LRPPRC: variants seen among roughly 807,000 people sequenced by gnomAD.
The protein encoded by LRPPRC is leucine rich pentatricopeptide repeat containing, also known as leucine-rich PPR motif-containing protein, mitochondrial.
A neutral mutation model predicts 180.3 loss-of-function variants in LRPPRC; 120 were observed. The observed-to-expected ratio is 0.67, with a 90% CI of 0.57 to 0.77. The LOEUF is 0.77. Ranked by LOEUF, LRPPRC falls within the 30% of genes least tolerant of loss-of-function variation. The probability of loss-of-function intolerance (pLI) is 0.00; values close to 1 mark genes in which losing one functional copy is unlikely to be tolerated. For synonymous variants in LRPPRC, 723 were observed against 600.0 expected (o/e 1.21, Z -3.00); for missense variants, 2,012 against 1,657.2 (o/e 1.21, Z -3.72).
At chr2:43,915,232 T>TCTCTCTCTCTCTCACA (rs1174216406) in intron 29 of LRPPRC, among the ~76,000 whole-genome samples, 9 of 51,882 alleles carry the variant, frequency 1.7e-4, no homozygotes, top group Non-Finnish European at 2.8e-4. Flanking sequence ...TCTCTCTCTC[T>TCTCTCTCTCTCTCACA]CACACACACA....
intron 2 of LRPPRC, among the ~76,000 whole-genome samples, chr2:43,982,027 C>G (rs1674331090): frequency 6.6e-6 from 1 of 152,102 alleles, no homozygotes; most frequent in South Asian, 2.1e-4. Context: ...CATGCCTCAG[C>G]CTCCCAAGTA....
intron 30 of LRPPRC, among the ~76,000 whole-genome samples, chr2:43,906,506 G>A (rs1444926559): frequency 2.0e-5 from 3 of 152,174 alleles, no homozygotes; most frequent in African/African-American, 7.2e-5. Flanking sequence ...CCAAAACCTA[G>A]CTGGAGATTT....
upstream of LRPPRC, chr2:43,996,130 TA>T (rs1675066116): frequency 1.6e-5 from 9 of 551,968 alleles, no homozygotes; most frequent in East Asian, 3.0e-4. Context: ...AGACCCAATG[TA>T]ATATTTACAT....
intron 14 of LRPPRC, among the ~76,000 whole-genome samples, chr2:43,950,867 T>C (rs1442692195): frequency 1.3e-5 from 2 of 152,120 alleles, no homozygotes; most frequent in Non-Finnish European, 2.9e-5. Context: ...GTCAGGAGTT[T>C]GAGACCAGCC....
chr2:43,987,094 T>A (rs1674559522), intron 1 of LRPPRC, among the ~76,000 whole-genome samples: 2 of 152,204 alleles, frequency 1.3e-5, no homozygotes, highest in Non-Finnish European at 2.9e-5. Flanking sequence ...CTTGCACAGT[T>A]GGAATAAATC....
At chr2:43,903,303 C>G (rs1670953444) in intron 31 of LRPPRC, 1 of 152,182 alleles carries the variant, frequency 6.6e-6, no homozygotes, top group African/African-American at 2.4e-5. Flanking sequence ...ACTAGTGATA[C>G]TAATTACACT....
intron 1 of LRPPRC, among the ~76,000 whole-genome samples, chr2:43,989,551 G>A (rs1457756417): frequency 6.6e-6 from 1 of 152,148 alleles, no homozygotes; most frequent in Non-Finnish European, 1.5e-5. Flanking sequence ...TTACTTACCT[G>A]TGAAAGTCTT....
chr2:43,893,203 G>A (rs1670557802), intron 36 of LRPPRC, among the ~76,000 whole-genome samples: 1 of 152,130 alleles, frequency 6.6e-6, no homozygotes, highest in Non-Finnish European at 1.5e-5. Context: ...ATCTACTCTT[G>A]GTAAAGATGC....
At chr2:43,892,783 C>A (rs545087964) in intron 36 of LRPPRC, 5 of 151,700 alleles carry the variant, frequency 3.3e-5, no homozygotes, top group Non-Finnish European at 5.9e-5. Context: ...ATGTGTAAAG[C>A]GTTCCATGTT....
At chr2:43,894,897 T>G (rs1051124892) in intron 35 of LRPPRC, among the ~76,000 whole-genome samples, 2 of 152,232 alleles carry the variant, frequency 1.3e-5, no homozygotes, top group African/African-American at 4.8e-5. Context: ...ACACATTGCT[T>G]CTTTTGTCAA....
intron 11 of LRPPRC, among the ~76,000 whole-genome samples, chr2:43,972,824 C>G (rs934375888): frequency 3.3e-5 from 5 of 152,140 alleles, no homozygotes; most frequent in Non-Finnish European, 7.4e-5. Flanking sequence ...ACTAACAATT[C>G]TGCATCTCAT....
Position 43,943,812 on chromosome 2 carries a change from T to C in LRPPRC, c.2379A>G (p.Leu793=), listed in dbSNP as rs2105077611. The change falls in exon 23 of 38, where the codon CTA becomes CTG. Residue 793 remains leucine, a synonymous_variant. Coordinates refer to ENST00000260665, the MANE Select transcript of LRPPRC (RefSeq NM_133259.4). ...DTTALSFFHM[L]NGAALRGEIE... ...TTTCACCTCTTAAAGCTGCGCCATT[T>C]AGCATGTGGAAAAAGGACAAGGCTG... The C allele has an allele frequency of 6.2e-7, 1 of 1,613,516 alleles. No individual in the cohort carries two copies. Among genetic ancestry groups the C allele is most frequent in the Non-Finnish European group, 8.5e-7 (1 of 1,179,484 alleles).
chr2:43,979,466 C>A (rs1674207773), intron 3 of LRPPRC, among the ~76,000 whole-genome samples: 3 of 152,142 alleles, frequency 2.0e-5, no homozygotes, highest in Non-Finnish European at 4.4e-5. Flanking sequence ...CTATTACAAA[C>A]AAGCTACAAT....
At chr2:43,972,134 G>A (rs1187606213) in intron 11 of LRPPRC, among the ~76,000 whole-genome samples, 1 of 152,130 alleles carries the variant, frequency 6.6e-6, no homozygotes, top group Admixed American at 6.5e-5. Context: ...TTAAAAGGAG[G>A]ACAGAAACCC....
chr2:43,923,571 C>G (rs1370936977), intron 27 of LRPPRC, among the ~76,000 whole-genome samples: 3 of 152,188 alleles, frequency 2.0e-5, no homozygotes, highest in Non-Finnish European at 2.9e-5. Flanking sequence ...CCTTAGACTA[C>G]CACATACTTA....
chr2:43,956,935 T>C (rs1391339626), intron 14 of LRPPRC, among the ~76,000 whole-genome samples: 1 of 152,194 alleles, frequency 6.6e-6, no homozygotes, highest in Non-Finnish European at 1.5e-5. Context: ...AGTATTCCCT[T>C]TTACTATTCT....
chr2:43,972,845 A>T (rs886957600), intron 11 of LRPPRC, among the ~76,000 whole-genome samples: 42 of 152,202 alleles, frequency 2.8e-4, no homozygotes, highest in Admixed American at 5.9e-4. Context: ...TCCAAAGCAC[A>T]TTATACTTCG....
At chr2:43,912,373 C>T in intron 30 of LRPPRC, 59 bp downstream of exon 30, 1 of 1,492,778 alleles carries the variant, frequency 6.7e-7, no homozygotes, top group Non-Finnish European at 9.3e-7. Flanking sequence ...TAATTATTGG[C>T]TAATGGCAGC....
At chr2:43,934,501 T>A (rs1038788069) in intron 24 of LRPPRC, among the ~76,000 whole-genome samples, 7 of 151,776 alleles carry the variant, frequency 4.6e-5, no homozygotes, top group Non-Finnish European at 8.8e-5. Flanking sequence ...GTAAAAAAAA[T>A]CTTCATAAAG....
Sources: gnomAD v4.1 joint callset for allele counts (sites outside exome capture counted in the v4.1 genomes callset) on GRCh38, gnomAD v4.1.1 for gene constraint, MANE v1.5 for transcripts, NCBI Gene and HGNC (gene_info 2026-07-23, HGNC 2026-07-21) for gene names.